FCHO1: variants seen among roughly 807,000 people sequenced by gnomAD.
The protein encoded by FCHO1 is F-BAR domain only protein 1.
FCHO1 carries 45 observed loss-of-function variants against 114.4 expected under a neutral mutation model. That is an observed-to-expected ratio of 0.39 (90% confidence interval 0.31 to 0.50). FCHO1 has a LOEUF of 0.50. Ranked by LOEUF, FCHO1 falls within the 20% of genes least tolerant of loss-of-function variation. The probability of loss-of-function intolerance (pLI) is 0.77; values close to 1 mark genes in which losing one functional copy is unlikely to be tolerated. For missense variants in FCHO1, 1,042 were observed against 1,209.6 expected, an observed-to-expected ratio of 0.86 and a Z score of 2.06; for synonymous variants, 480 against 488.9, an observed-to-expected ratio of 0.98 and a Z score of 0.24.
chr19:17,787,913 G>A, intron 28 of FCHO1, 67 bp downstream of exon 28: 1 of 1,536,294 alleles, frequency 6.5e-7, no homozygotes, highest in Non-Finnish European at 8.8e-7. Context: ...GCCCCGGGGT[G>A]TGGGGAGGGA....
intron 6 of FCHO1, among the ~76,000 whole-genome samples, chr19:17,765,662 G>C (rs2088657276): frequency 6.6e-6 from 1 of 151,834 alleles, no homozygotes; most frequent in South Asian, 2.1e-4. Context: ...GACAGAGCCA[G>C]ACCATGCCTC....
intron 4 of FCHO1, among the ~76,000 whole-genome samples, chr19:17,762,497 G>C (rs2086713428): frequency 6.6e-6 from 1 of 152,058 alleles, no homozygotes; most frequent in Non-Finnish European, 1.5e-5. Flanking sequence ...AAGACAGAAG[G>C]AGACAAAGAC....
At position 17,788,405 on chromosome 19, in the gene FCHO1, C is replaced by T. The variant is rs2094109822; in HGVS notation, c.*99C>T. 3 of 881,586 alleles carry T rather than the reference C, an allele frequency of 3.4e-6. No individual in the cohort carries two copies. Among genetic ancestry groups the T allele is most frequent in the East Asian group, 2.5e-5 (1 of 40,476 alleles). 54.6% of individuals were successfully genotyped at this position (881,586 alleles called of 1,614,324 possible). ...ACCCTGGGGCCTCCCACCCCAGCCT[C>T]CCTGAGGCCCATACTCCACGGAGAG... On this transcript the variant is annotated 3_prime_UTR_variant, in exon 29 of 29. Coordinates refer to ENST00000596536, the MANE Select transcript of FCHO1 (RefSeq NM_015122.3).
intron 18 of FCHO1, among the ~76,000 whole-genome samples, chr19:17,777,444 G>A (rs2092772232): frequency 6.7e-6 from 1 of 150,120 alleles, no homozygotes. Flanking sequence ...GGTGAGGCAG[G>A]AGAATCGCTT....
Position 17,785,023 on chromosome 19 carries a change from A to C in FCHO1, c.2426+99A>C, listed in dbSNP as rs1439328207. On this transcript the variant is annotated intron_variant, in intron 26 of 28. Transcript: ENST00000596536. Reference sequence around the variant, plus strand: ...GATTAAAGGGTGCACCCTCGGCCTGACCGTTAACTGTGAGCCCACCCTGCT... The same window carrying C: ...GATTAAAGGGTGCACCCTCGGCCTGCCCGTTAACTGTGAGCCCACCCTGCT... 3 of 1,218,738 alleles carry C rather than the reference A, an allele frequency of 2.5e-6. No homozygotes were observed. The South Asian group carries it at 3.9e-5, about 16-fold the overall frequency. The allele number at this position is 1,218,738 out of a possible 1,614,324, so 75.5% of individuals were successfully genotyped here.
chr19:17,748,509 G>GGGC (rs1555710093), upstream of FCHO1, among the ~76,000 whole-genome samples: 4 of 137,294 alleles, frequency 2.9e-5, no homozygotes, highest in African/African-American at 1.2e-4. Context: ...CCTGGACTTG[G>GGGC]GGGGGGGGTC....
chr19:17,753,024 G>A (rs11880213), intron 1 of FCHO1, among the ~76,000 whole-genome samples: 2 of 152,176 alleles, frequency 1.3e-5, no homozygotes, highest in African/African-American at 4.8e-5. Context: ...GGAGGCTGCA[G>A]TGAGCTATGA....
At chr19:17,770,399 C>T (rs753148685) in intron 7 of FCHO1, 26 bp from the exon 8 acceptor site, 3 of 1,586,566 alleles carry the variant, frequency 1.9e-6, no homozygotes, top group Non-Finnish European at 1.7e-6. Context: ...CACAGTCTAC[C>T]CATGAAATCC....
At chr19:17,771,038 G>C in intron 9 of FCHO1, 142 bp downstream of exon 9, 1 of 625,342 alleles carries the variant, frequency 1.6e-6, no homozygotes, top group South Asian at 1.9e-5. Flanking sequence ...AGGATCACCT[G>C]AGGTCAGGAG....
upstream of FCHO1, among the ~76,000 whole-genome samples, chr19:17,750,824 T>C (rs905760996): frequency 6.1e-5 from 9 of 148,714 alleles, 1 homozygote; most frequent in Admixed American, 2.0e-4. Flanking sequence ...TCCCCTTTCT[T>C]TTCTTTTTTT....
At chr19:17,761,653 T>C (rs115214794) in intron 4 of FCHO1, among the ~76,000 whole-genome samples, 2,425 of 139,758 alleles carry the variant, frequency 0.017, 71 homozygotes, top group African/African-American at 0.06. Context: ...TATATATATA[T>C]ACACACACAC....
chr19:17,768,649 G>A (rs539780604), intron 7 of FCHO1, among the ~76,000 whole-genome samples: 22 of 150,600 alleles, frequency 1.5e-4, no homozygotes, highest in African/African-American at 5.1e-4. Flanking sequence ...AGTTGAGATC[G>A]CGACACACCA....
At chr19:17,772,959 G>A (rs931080135) in intron 11 of FCHO1, among the ~76,000 whole-genome samples, 3 of 152,170 alleles carry the variant, frequency 2.0e-5, no homozygotes, top group Admixed American at 6.6e-5. Flanking sequence ...CACTGCACAT[G>A]GCCAGGCCTT....
In FCHO1 at chr19:17,784,941, G is replaced by C. The variant is rs2093737096; in HGVS notation, c.2426+17G>C. ...TGCCACCTGGTGAGGGCTTGCGGGA[G>C]GCCAAGGAAAACTCAGCAGTTTCCC... On this transcript the variant is annotated intron_variant, in intron 26 of 28. Transcript: ENST00000596536. The surrounding 1 kb of genome is among the most constrained non-coding windows in gnomAD (Gnocchi z 5.3). 6.2e-7 allele frequency: 1 copy of C among 1,606,306 alleles called. No homozygotes were observed. The highest frequency in any genetic ancestry group is 1.1e-5 in the South Asian group (1 of 91,032).
At chr19:17,780,956 C>T (rs1197415139) in intron 20 of FCHO1, among the ~76,000 whole-genome samples, 1 of 152,208 alleles carries the variant, frequency 6.6e-6, no homozygotes, top group Non-Finnish European at 1.5e-5. Flanking sequence ...TACAGCATGC[C>T]TGCGTCTTAA....
intron 20 of FCHO1, among the ~76,000 whole-genome samples, chr19:17,779,814 T>C (rs1026455577): frequency 1.3e-5 from 2 of 151,380 alleles, no homozygotes; most frequent in Non-Finnish European, 2.9e-5. Context: ...CAGTGGACCC[T>C]GAGTGTGGGG....
chr19:17,775,991 G>T lies in FCHO1; in HGVS notation c.1012G>T (p.Glu338Ter). Residue 338 changes from glutamate to a stop codon, truncating the protein, a stop_gained, in exon 16 of 29, where the codon GAG becomes TAG. Coordinates refer to ENST00000596536, the MANE Select transcript of FCHO1 (RefSeq NM_015122.3). LOFTEE classifies it high-confidence loss of function. This position sits in a 1 kb window ranked among gnomAD's most constrained non-coding sequence, Gnocchi z 5.1. ...RPDVTQNSTA[E>*]PSRFSSSDSD... Reference sequence around the variant, plus strand: ...CCTTGACTGCAGCCCACGCACGGCCGAGCCCTCCCGTTTCTCGTCCAGCGA... The same window carrying T: ...CCTTGACTGCAGCCCACGCACGGCCTAGCCCTCCCGTTTCTCGTCCAGCGA... The T allele has an allele frequency of 6.2e-7, 1 of 1,607,450 alleles. No individual in the cohort carries two copies.
chr19:17,780,161 C>T (rs1276238478), intron 20 of FCHO1, among the ~76,000 whole-genome samples: 1 of 103,394 alleles, frequency 9.7e-6, no homozygotes, highest in Non-Finnish European at 1.9e-5. Context: ...AGAAGAAGCT[C>T]TTTTTTTTTT....
chr19:17,784,195 C>T lies in FCHO1; in HGVS notation c.2186C>T (p.Pro729Leu). ...EALQRQAEQN[P>L]TASYYNVVLL... ...CTGCAGCGCCAGGCAGAGCAGAACC[C>T]CACTGCCTCCTACTACAACGTGGTG... The change falls in exon 25 of 29, where the codon CCC becomes CTC. Residue 729 changes from proline (P) to leucine (L), a missense_variant. Coordinates refer to ENST00000596536, the MANE Select transcript of FCHO1 (RefSeq NM_015122.3). This position sits in a 1 kb window ranked among gnomAD's most constrained non-coding sequence, Gnocchi z 5.3. 1.9e-6 allele frequency: 3 copies of T among 1,613,504 alleles called. No homozygotes were observed. The highest frequency in any genetic ancestry group is 2.5e-6 in the Non-Finnish European group (3 of 1,179,768).
Sources: gnomAD v4.1 joint callset for allele counts (sites outside exome capture counted in the v4.1 genomes callset) on GRCh38, gnomAD v4.1.1 for gene constraint, Gnocchi (gnomAD v3.1) non-coding constraint, MANE v1.5 for transcripts, NCBI Gene and HGNC (gene_info 2026-07-23, HGNC 2026-07-21) for gene names.